The following FER1L6 variants were observed in gnomAD, a reference collection of about 807,000 sequenced individuals.
The protein encoded by FER1L6 is fer-1 like family member 6.
Under a neutral mutation model 219.2 loss-of-function variants are expected in FER1L6, and 177 were observed. That is an observed-to-expected ratio of 0.81 (90% confidence interval 0.71 to 0.91). The LOEUF (loss-of-function observed/expected upper bound fraction) is 0.91. Ranked by LOEUF, FER1L6 falls within the 40% of genes least tolerant of loss-of-function variation. FER1L6 has a pLI of 0.00. For synonymous variants in FER1L6, 768 were observed against 824.3 expected, an observed-to-expected ratio of 0.93 and a Z score of 1.17; for missense variants, 2,153 against 2,259.9, an observed-to-expected ratio of 0.95 and a Z score of 0.96.
At chr8:124,031,281 A>G (rs965367994) in intron 18 of FER1L6, among the ~76,000 whole-genome samples, 2 of 152,232 alleles carry the variant, frequency 1.3e-5, no homozygotes, top group African/African-American at 4.8e-5. Flanking sequence ...ACATTAATAT[A>G]TGGGAGCCTT....
At chr8:124,057,004 T>A (rs4484683) in intron 22 of FER1L6, among the ~76,000 whole-genome samples, 128,218 of 152,122 alleles carry the variant, frequency 0.84, 54,171 homozygotes, top group African/African-American at 0.86. Flanking sequence ...GGATCGCACC[T>A]CTGCACTCCA....
intron 1 of FER1L6, among the ~76,000 whole-genome samples, chr8:123,870,309 C>A (rs1229663945): frequency 6.6e-6 from 1 of 152,174 alleles, no homozygotes; most frequent in Non-Finnish European, 1.5e-5. Context: ...ATTTGCACAA[C>A]TGATTTGAAA....
intron 1 of FER1L6, among the ~76,000 whole-genome samples, chr8:123,923,092 G>A (rs920112098): frequency 5.9e-5 from 9 of 152,170 alleles, no homozygotes; most frequent in Admixed American, 1.3e-4. Context: ...GCTATGCAGC[G>A]TGGTGATAAT....
intron 33 of FER1L6, among the ~76,000 whole-genome samples, chr8:124,089,485 C>T (rs73330182): frequency 0.036 from 5,490 of 152,290 alleles, 324 homozygotes; most frequent in African/African-American, 0.12. Context: ...TGATTGCTCA[C>T]CTGATCTTGT....
Position 123,963,310 on chromosome 8 carries a change from G to A in FER1L6, c.109G>A (p.Glu37Lys). ...SQGDTEALQE[E>K]PSHQEGPRGD... ...AGGTGACACTGAAGCACTGCAGGAGGAGCCTTCTCACCAGGAAGGACCGAG... is the reference window on the plus strand; with the variant it reads ...AGGTGACACTGAAGCACTGCAGGAGAAGCCTTCTCACCAGGAAGGACCGAG... Residue 37 changes from glutamate to lysine, a missense_variant, in exon 3 of 41, where the codon GAG becomes AAG. Physicochemically the swap from Glu to Lys is moderately conservative, Grantham distance 56. Coordinates refer to ENST00000522917, the MANE Select transcript of FER1L6 (RefSeq NM_001039112.2). 1 of 1,614,104 alleles carries A rather than the reference G, an allele frequency of 6.2e-7. No individual in the cohort carries two copies. The highest frequency in any genetic ancestry group is 1.1e-5 in the South Asian group (1 of 91,078).
chr8:123,937,060 C>T (rs966099095), intron 1 of FER1L6, among the ~76,000 whole-genome samples: 5 of 152,178 alleles, frequency 3.3e-5, no homozygotes, highest in African/African-American at 9.6e-5. Context: ...TGCCCACCAC[C>T]ATGCCCGGCT....
rs917977880 is a variant in FER1L6 at position 124,094,890 on chromosome 8, C to T, written c.4553-6C>T. 2.5e-6 allele frequency: 4 copies of T among 1,613,860 alleles called. No homozygotes were observed. The highest frequency in any genetic ancestry group is 2.5e-6 in the Non-Finnish European group (3 of 1,179,884). On this transcript the variant is annotated splice_polypyrimidine_tract_variant and splice_region_variant and intron_variant, in intron 34 of 40. Coordinates refer to ENST00000522917, the MANE Select transcript of FER1L6 (RefSeq NM_001039112.2). ...CATCTGACAAGTTTGTCTTTCTTTC[C>T]TGCAGATGAGACAGTGGAGTCTTAT...
At chr8:123,977,174 A>G (rs1357444252) in intron 9 of FER1L6, among the ~76,000 whole-genome samples, 6 of 152,170 alleles carry the variant, frequency 3.9e-5, no homozygotes, top group Non-Finnish European at 8.8e-5. Flanking sequence ...CCCATTCCCC[A>G]ATATGCTGAT....
At chr8:123,938,774 C>T (rs2129977443) in intron 1 of FER1L6, among the ~76,000 whole-genome samples, 1 of 152,122 alleles carries the variant, frequency 6.6e-6, no homozygotes, top group South Asian at 2.1e-4. Flanking sequence ...CCTCAAACTC[C>T]TGAGCTCAAG....
intron 1 of FER1L6, among the ~76,000 whole-genome samples, chr8:123,938,141 A>T (rs1381693530): frequency 2.0e-5 from 3 of 152,220 alleles, no homozygotes; most frequent in Non-Finnish European, 4.4e-5. Flanking sequence ...GACAGAGAAG[A>T]AGGAAAACCT....
intron 1 of FER1L6, among the ~76,000 whole-genome samples, chr8:123,870,764 A>G (rs966472992): frequency 1.3e-5 from 2 of 152,202 alleles, no homozygotes; most frequent in African/African-American, 2.4e-5. Flanking sequence ...AACCCATAGA[A>G]CCTTACAGCA....
chr8:124,099,625 A>G (rs558326835), intron 37 of FER1L6, among the ~76,000 whole-genome samples: 1 of 152,266 alleles, frequency 6.6e-6, no homozygotes, highest in East Asian at 1.9e-4. Context: ...TTGCCCTCCA[A>G]TAGTTTGCTC....
intron 3 of FER1L6, among the ~76,000 whole-genome samples, chr8:123,965,111 C>T (rs1365463627): frequency 6.6e-6 from 1 of 152,042 alleles, no homozygotes; most frequent in Non-Finnish European, 1.5e-5. Context: ...TCAGAGTAAC[C>T]CTATGTGGTA....
intron 3 of FER1L6, among the ~76,000 whole-genome samples, chr8:123,963,630 T>A (rs1473304379): frequency 6.6e-6 from 1 of 152,168 alleles, no homozygotes; most frequent in East Asian, 1.9e-4. Context: ...AAGCTTCTGG[T>A]CTTAAATCTC....
At chr8:124,051,818 T>G (rs1820049050) in intron 22 of FER1L6, among the ~76,000 whole-genome samples, 1 of 152,170 alleles carries the variant, frequency 6.6e-6, no homozygotes, top group Non-Finnish European at 1.5e-5. Context: ...ACGGCTACAG[T>G]AATGAGTTCT....
intron 1 of FER1L6, among the ~76,000 whole-genome samples, chr8:123,917,831 A>C (rs577006689): frequency 1.3e-5 from 2 of 152,346 alleles, no homozygotes; most frequent in Non-Finnish European, 2.9e-5. Context: ...ATCAACATAC[A>C]CAGGAAGTTT....
intron 39 of FER1L6, among the ~76,000 whole-genome samples, chr8:124,107,814 G>C (rs1444405691): frequency 6.6e-6 from 1 of 152,092 alleles, no homozygotes; most frequent in African/African-American, 2.4e-5. Flanking sequence ...TCTCATGAGG[G>C]AAGAACTAAC....
rs118184065 is a variant in FER1L6, at chr8:123,919,388, G to A, written c.-7-36604G>A. Among the ~76,000 whole-genome samples the A allele has an allele frequency of 4.8e-3, 725 of 152,340 alleles. 1 individual carries two copies. Among genetic ancestry groups the A allele is most frequent in the Middle Eastern group, 0.017 (5 of 294 alleles). On this transcript the variant is annotated intron_variant, in intron 1 of 40. Transcript: ENST00000522917. Reference sequence around the variant, plus strand: ...TTATGTAAAGTAAAGATGTCTAGGAGGCATATGATAAAGGTCAATTGTGGA... The same window carrying A: ...TTATGTAAAGTAAAGATGTCTAGGAAGCATATGATAAAGGTCAATTGTGGA...
At chr8:123,950,324 C>G (rs556661382) in intron 1 of FER1L6, among the ~76,000 whole-genome samples, 43 of 152,308 alleles carry the variant, frequency 2.8e-4, no homozygotes, top group Admixed American at 2.7e-3. Context: ...ATCCCCCAAC[C>G]CTTGGAGGAT....
Sources: gnomAD v4.1 joint callset for allele counts (sites outside exome capture counted in the v4.1 genomes callset) on GRCh38, gnomAD v4.1.1 for gene constraint, MANE v1.5 for transcripts, NCBI Gene and HGNC (gene_info 2026-07-23, HGNC 2026-07-21) for gene names.